The following TMTC4 variants were observed in gnomAD, a reference collection of about 807,000 sequenced individuals.
TMTC4 encodes the protein transmembrane O-mannosyltransferase targeting cadherins 4.
In TMTC4, 65 loss-of-function variants were observed where a neutral mutation model predicts 86.0. The ratio of observed to expected loss-of-function variants is 0.76; its 90% CI spans 0.62 to 0.93. The LOEUF (loss-of-function observed/expected upper bound fraction) is 0.93, where lower values mean the gene tolerates loss of function less well. Among genes scored for constraint, TMTC4 ranks in the 40% least tolerant of loss-of-function variants. The pLI is 0.00. For missense variants in TMTC4, 866 were observed against 948.1 expected, an observed-to-expected ratio of 0.91 and a Z score of 1.14; for synonymous variants, 379 against 382.5, an observed-to-expected ratio of 0.99 and a Z score of 0.11.
At chr13:100,654,890 T>C (rs1884885945) in intron 6 of TMTC4, among the ~76,000 whole-genome samples, 3 of 152,194 alleles carry the variant, frequency 2.0e-5, no homozygotes, top group African/African-American at 7.2e-5. Context: ...CACTCTGATG[T>C]CTTTGAAATC....
intron 12 of TMTC4, among the ~76,000 whole-genome samples, chr13:100,632,450 A>G (rs1881576873): frequency 6.6e-6 from 1 of 152,244 alleles, no homozygotes; most frequent in African/African-American, 2.4e-5. Flanking sequence ...AACTCCACAC[A>G]TAGAAGGGGC....
chr13:100,662,834 G>A, intron 5 of TMTC4, 130 bp downstream of exon 5: 1 of 874,738 alleles, frequency 1.1e-6, no homozygotes, highest in African/African-American at 1.7e-5. Flanking sequence ...GTATGTTGTG[G>A]AGTAGACTTT....
intron 5 of TMTC4, among the ~76,000 whole-genome samples, chr13:100,661,763 A>G (rs1594366888): frequency 6.6e-6 from 1 of 152,256 alleles, no homozygotes; most frequent in Admixed American, 6.5e-5. Flanking sequence ...ACAATTTACT[A>G]AAGTCAGATG....
In TMTC4 at chr13:100,623,649, T is replaced by G. The variant is rs906656747; in HGVS notation, c.1836+1886A>C. 4.3e-4 allele frequency among the ~76,000 whole-genome samples: 61 copies of G among 142,034 alleles called. 1 individual carries two copies. In the South Asian group the frequency reaches 6.9e-3, roughly 16 times the overall value. 93.2% of individuals were successfully genotyped at this position (142,034 alleles called of 152,430 possible). A position where few individuals can be genotyped will look rare whatever the true frequency, so the allele number is the denominator to read the frequency against. On this transcript the variant is annotated intron_variant, in intron 15 of 18. Coordinates refer to ENST00000342624, the MANE Select transcript of TMTC4 (RefSeq NM_032813.5). ...GGAAACTACTAGTTGGGTTTTGTTT[T>G]TTTTTTTTTTTTTTTTTGCAGAAGG...
At chr13:100,636,372 A>C (rs1566599098) in intron 10 of TMTC4, among the ~76,000 whole-genome samples, 160 bp downstream of exon 10, 1 of 152,224 alleles carries the variant, frequency 6.6e-6, no homozygotes, top group Non-Finnish European at 1.5e-5. Context: ...CCAGCCATGG[A>C]TTCCAAATGG....
In TMTC4 at chr13:100,637,929, C is replaced by T; in HGVS notation, c.834+1G>A. On this transcript the variant is annotated splice_donor_variant, in intron 8 of 18. Transcript: ENST00000342624. LOFTEE classifies it high-confidence loss of function. ...GGCTGGAGATAAAAGTACAGACTCA[C>T]CTCTAATGACTTGTCCTTATGTAGT... The T allele has an allele frequency of 6.2e-7, 1 of 1,610,364 alleles. No homozygotes were observed. The highest frequency in any genetic ancestry group is 8.5e-7 in the Non-Finnish European group (1 of 1,177,936).
chr13:100,613,017 T>G (rs2153023510), intron 16 of TMTC4, among the ~76,000 whole-genome samples: 1 of 152,362 alleles, frequency 6.6e-6, no homozygotes, highest in Non-Finnish European at 1.5e-5. Context: ...CATGTGATAC[T>G]TTGATACATG....
At chr13:100,632,230 G>A (rs1297905261) in intron 12 of TMTC4, among the ~76,000 whole-genome samples, 1 of 152,036 alleles carries the variant, frequency 6.6e-6, no homozygotes, top group Non-Finnish European at 1.5e-5. Flanking sequence ...ATTTACTAGA[G>A]GCACCTGGGC....
At chr13:100,606,505 GT>G in intron 17 of TMTC4, 78 bp from the exon 18 acceptor site, 2 of 1,228,718 alleles carry the variant, frequency 1.6e-6, no homozygotes, top group Non-Finnish European at 2.3e-6. Flanking sequence ...ATCACCTACG[GT>G]TTTCAAACTT....
At position 100,642,301 on chromosome 13, in the gene TMTC4, C is replaced by A; in HGVS notation, c.651G>T (p.Glu217Asp). 1 of 1,614,230 alleles carries A rather than the reference C, an allele frequency of 6.2e-7. No homozygotes were observed. Among genetic ancestry groups the A allele is most frequent in the Non-Finnish European group, 8.5e-7 (1 of 1,180,036 alleles). The change falls in exon 7 of 19, where the codon GAG becomes GAT. Residue 217 changes from glutamate to aspartate, a missense_variant. Physicochemically the swap from Glu to Asp is conservative, Grantham distance 45. Transcript: ENST00000342624. The part of the protein sequence containing the change: ...YCKAFRESNK[E>D]GAHSSTFWVL... The stretch of plus-strand genomic sequence containing the variant: ...CCCAGAAGGTGGAAGAATGCGCTCC[C>A]TCCTTGTTACCTGCCAATTAAGAGA...
chr13:100,623,673 G>T (rs1879943723), intron 15 of TMTC4, among the ~76,000 whole-genome samples: 1 of 122,732 alleles, frequency 8.1e-6, no homozygotes, highest in African/African-American at 3.1e-5. Flanking sequence ...TTTTGCAGAA[G>T]GAGAAGGAGC....
intron 15 of TMTC4, chr13:100,625,241 T>C: frequency 2.7e-6 from 1 of 366,356 alleles, no homozygotes. Context: ...AGTTACCCAT[T>C]GGAGTGCTGT....
intron 3 of TMTC4, chr13:100,668,367 C>T (rs1388551374): frequency 3.5e-6 from 2 of 568,328 alleles, no homozygotes; most frequent in East Asian, 3.0e-5. Context: ...AGTGCCTGAG[C>T]TGAGGCAGGG....
intron 16 of TMTC4, among the ~76,000 whole-genome samples, chr13:100,612,812 C>G (rs554451559): frequency 8.5e-5 from 13 of 152,210 alleles, no homozygotes; most frequent in South Asian, 6.2e-4. Context: ...TTCCCAGATA[C>G]CAGTTATACC....
At chr13:100,632,082 C>A (rs867757115) in intron 12 of TMTC4, among the ~76,000 whole-genome samples, 3 of 148,608 alleles carry the variant, frequency 2.0e-5, no homozygotes, top group Admixed American at 1.3e-4. Context: ...CTCTCTCTCT[C>A]TCTCTCTCTC....
chr13:100,651,076 A>C (rs542410085), intron 6 of TMTC4, among the ~76,000 whole-genome samples: 1 of 152,324 alleles, frequency 6.6e-6, no homozygotes, highest in South Asian at 2.1e-4. Context: ...AGAACTTAAA[A>C]TGGTTGTTCT....
At chr13:100,668,533 C>T (rs763449826) in intron 3 of TMTC4, 46 bp downstream of exon 3, 283 of 1,568,674 alleles carry the variant, frequency 1.8e-4, no homozygotes, top group Non-Finnish European at 2.4e-4. Context: ...ATTACTGAGA[C>T]ACAGTTGGGC....
chr13:100,619,448 C>G (rs1879149634), intron 15 of TMTC4, among the ~76,000 whole-genome samples: 2 of 151,854 alleles, frequency 1.3e-5, no homozygotes, highest in African/African-American at 4.8e-5. Flanking sequence ...TTTGAGTGTA[C>G]TTGATCCCTT....
chr13:100,624,426 G>T, intron 15 of TMTC4: 1 of 153,742 alleles, frequency 6.5e-6, no homozygotes, highest in South Asian at 1.9e-4. Flanking sequence ...ATGCCATTGG[G>T]ACCGCCAGCC....
Sources: gnomAD v4.1 joint callset for allele counts (sites outside exome capture counted in the v4.1 genomes callset) on GRCh38, gnomAD v4.1.1 for gene constraint, MANE v1.5 for transcripts, NCBI Gene and HGNC (gene_info 2026-07-23, HGNC 2026-07-21) for gene names.